MBD3: variants seen among roughly 807,000 people sequenced by gnomAD.
The protein encoded by MBD3 is methyl-CpG-binding domain protein 3.
Under a neutral mutation model 31.2 loss-of-function variants are expected in MBD3, and 13 were observed. That is an observed-to-expected ratio of 0.42 (90% CI 0.27 to 0.66). MBD3 has a LOEUF of 0.66. Among genes scored for constraint, MBD3 ranks in the 30% least tolerant of loss-of-function variants. The pLI is 0.26. For synonymous variants in MBD3, 223 were observed against 187.4 expected, an observed-to-expected ratio of 1.19 and a Z score of -1.55; for missense variants, 440 against 426.5, an observed-to-expected ratio of 1.03 and a Z score of -0.28.
chr19:1,592,423 G>T (rs1328675584), intron 1 of MBD3, 99 bp downstream of exon 1: 84 of 337,018 alleles, frequency 2.5e-4, no homozygotes, highest in Non-Finnish European at 3.7e-4. Flanking sequence ...ACGCACGCGC[G>T]GGGCCCAGGC....
chr19:1,592,460 C>A, intron 1 of MBD3, 62 bp downstream of exon 1: 1 of 890,708 alleles, frequency 1.1e-6, no homozygotes, highest in Non-Finnish European at 1.5e-6. Context: ...GGCGCCGAGG[C>A]CGCCGCAGAG....
At chr19:1,579,580 C>T (rs953969037) in intron 5 of MBD3, among the ~76,000 whole-genome samples, 1 of 152,090 alleles carries the variant, frequency 6.6e-6, no homozygotes, top group African/African-American at 2.4e-5. Flanking sequence ...CTCAGCCGCC[C>T]CCTGCCTCCG....
In MBD3 at chr19:1,585,086, C is replaced by T. The variant is rs1260547532; in HGVS notation, c.239G>A (p.Arg80His). ...LMSKMNKSRQ[R>H]VRYDSSNQVK... is the part of the protein sequence containing the mutation. ...CTGGTTGGAGGAGTCGTAGCGCACG[C>T]GCTGGCGGCTCTTGTTCATCTTGCT... Residue 80 changes from arginine to histidine, a missense_variant, in exon 2 of 7, where the codon CGC becomes CAC. Transcript: ENST00000434436. This position sits in a 1 kb window ranked among gnomAD's most constrained non-coding sequence, Gnocchi z 4.1. 1.2e-6 allele frequency: 2 copies of T among 1,612,560 alleles called. No homozygotes were observed. Among genetic ancestry groups the T allele is most frequent in the South Asian group, 1.1e-5 (1 of 91,080 alleles).
At chr19:1,581,943 AT>A (rs1481249324) in intron 4 of MBD3, among the ~76,000 whole-genome samples, 1 of 151,770 alleles carries the variant, frequency 6.6e-6, no homozygotes, top group Non-Finnish European at 1.5e-5. Flanking sequence ...AATTTTTTGT[AT>A]TTTTAGTAGA....
chr19:1,592,410 A>G (rs2060709030), intron 1 of MBD3, 112 bp downstream of exon 1: 1 of 274,898 alleles, frequency 3.6e-6, no homozygotes. Context: ...GCACGCACGC[A>G]CGACGCACGC....
rs143577308 is a variant in MBD3 at position 1,581,463 on chromosome 19, C to A, written c.500-194G>T. 133 of 647,002 alleles carry A rather than the reference C, an allele frequency of 2.1e-4. No individual in the cohort carries two copies. In the African/African-American group the frequency reaches 2.4e-3, roughly 11 times the overall value. The allele number at this position is 647,002 out of a possible 1,614,324, so 40.1% of individuals were successfully genotyped here. On this transcript the variant is annotated intron_variant, in intron 4 of 6. Coordinates refer to ENST00000434436, the MANE Select transcript of MBD3 (RefSeq NM_001281453.2). ...ATAACAGAAAAAAAAGCAAGTTAGG[C>A]CAGGCGTGGCGACTCCCGCCTGTAA...
intron 3 of MBD3, 81 bp downstream of exon 3, chr19:1,584,459 G>GT: frequency 6.3e-7 from 1 of 1,584,320 alleles, no homozygotes; most frequent in Non-Finnish European, 8.6e-7. Context: ...TCCGCTCCAC[G>GT]TACGACCTCA....
At chr19:1,579,844 G>A (rs1196176024) in intron 5 of MBD3, among the ~76,000 whole-genome samples, 4 of 151,970 alleles carry the variant, frequency 2.6e-5, no homozygotes, top group African/African-American at 9.7e-5. Flanking sequence ...TCTCAACTCC[G>A]CCTCCCAGGC....
Position 1,578,065 on chromosome 19 carries a change from A to C in MBD3, c.*99T>G. On this transcript the variant is annotated 3_prime_UTR_variant, in exon 7 of 7. Coordinates refer to ENST00000434436, the MANE Select transcript of MBD3 (RefSeq NM_001281453.2). The surrounding 1 kb of genome is among the most constrained non-coding windows in gnomAD (Gnocchi z 6.1). ...ACGGCCTTCCTCCTGGGTGTCTCCA[A>C]GGCTGGGCTTCGCCGCCGAGCCTGG... 1.8e-6 allele frequency: 1 copy of C among 568,646 alleles called. No homozygotes were observed. 35.2% of individuals were successfully genotyped at this position (568,646 alleles called of 1,614,324 possible).
Position 1,581,074 on chromosome 19 carries a change from A to T in MBD3, c.677+18T>A. On this transcript the variant is annotated intron_variant, in intron 5 of 6. Transcript: ENST00000434436. ...AAGAGACAGGGTGGAGCAGCAGGGG[A>T]CCAGGCCAAGGGGCTACCTGATGTC... The T allele has an allele frequency of 6.2e-7, 1 of 1,613,980 alleles. No individual in the cohort carries two copies. Among genetic ancestry groups the T allele is most frequent in the Non-Finnish European group, 8.5e-7 (1 of 1,179,956 alleles).
At chr19:1,584,442 C>T (rs955053451) in intron 3 of MBD3, 98 bp downstream of exon 3, 1 of 1,548,096 alleles carries the variant, frequency 6.5e-7, no homozygotes. Context: ...CTCCTGCGCT[C>T]ACTACGTCCG....
chr19:1,580,415 C>T (rs1479949018), intron 5 of MBD3, among the ~76,000 whole-genome samples: 1 of 152,248 alleles, frequency 6.6e-6, no homozygotes, highest in African/African-American at 2.4e-5. Flanking sequence ...TGCCCAGCGC[C>T]TCCCTGGCCG....
At position 1,585,011 on chromosome 19, in the gene MBD3, A is replaced by G; in HGVS notation, c.270+44T>C. The stretch of plus-strand genomic sequence containing the variant: ...TCACGTCATGGCCGCGTCCCCGCCT[A>G]GAACGCCCCGCGCCGACGTCACCTG... On this transcript the variant is annotated intron_variant, in intron 2 of 6. Coordinates refer to ENST00000434436, the MANE Select transcript of MBD3 (RefSeq NM_001281453.2). The surrounding 1 kb of genome is among the most constrained non-coding windows in gnomAD (Gnocchi z 4.1). 1 of 1,603,888 alleles carries G rather than the reference A, an allele frequency of 6.2e-7. No homozygotes were observed. Among genetic ancestry groups the G allele is most frequent in the South Asian group, 1.1e-5 (1 of 90,786 alleles).
chr19:1,589,698 T>G (rs2145610135), intron 1 of MBD3, among the ~76,000 whole-genome samples: 1 of 152,306 alleles, frequency 6.6e-6, no homozygotes, highest in South Asian at 2.1e-4. Context: ...CTGGGCATGG[T>G]GGCACATGCC....
chr19:1,580,047 T>C (rs1264239075), intron 5 of MBD3, among the ~76,000 whole-genome samples: 5 of 152,262 alleles, frequency 3.3e-5, no homozygotes, highest in Non-Finnish European at 7.3e-5. Context: ...CGTCAGCCAC[T>C]GTGCCCGGCC....
chr19:1,584,956 C>A (rs1353893607), intron 2 of MBD3, 99 bp downstream of exon 2: 1 of 1,522,260 alleles, frequency 6.6e-7, no homozygotes, highest in East Asian at 2.4e-5. Flanking sequence ...ACCTCCTGCG[C>A]TCAGGACGCC....
In MBD3 at chr19:1,585,170, T is replaced by C; in HGVS notation, c.155A>G (p.Tyr52Cys). 6.2e-7 allele frequency: 1 copy of C among 1,608,600 alleles called. No individual in the cohort carries two copies. Among genetic ancestry groups the C allele is most frequent in the Non-Finnish European group, 8.5e-7 (1 of 1,179,280 alleles). The change falls in exon 2 of 7, where the codon TAC becomes TGC. Residue 52 changes from tyrosine to cysteine, a missense_variant. Physicochemically the swap from Tyr to Cys is radical, Grantham distance 194 (BLOSUM62 -2). Transcript: ENST00000434436. The surrounding 1 kb of genome is among the most constrained non-coding windows in gnomAD (Gnocchi z 4.1). ...KFRSKPQLAR[Y>C]LGGSMDLSTF... ...GCTCAGGTCCATGGAGCCGCCCAGG[T>C]AGCGCGCCAGCTGCGGCTTGCTGCG...
chr19:1,581,011 C>T (rs1362284381), intron 5 of MBD3, 81 bp downstream of exon 5: 13 of 1,548,104 alleles, frequency 8.4e-6, no homozygotes, highest in East Asian at 2.3e-5. Context: ...ACGGGAAGCA[C>T]GCAGGCACAC....
rs777036466 is a variant in MBD3 at position 1,581,294 on chromosome 19, G to GC, written c.500-26dup. The GC allele has an allele frequency of 1.4e-5, 22 of 1,599,382 alleles. No homozygotes were observed. The East Asian group carries it at 4.7e-4, about 34-fold the overall frequency. The stretch of plus-strand genomic sequence containing the variant: ...CCTGCCAGGCAGTGGACAAACAGCC[G>GC]CAAGTGGAGAGGTCACCACGGGGCA... On this transcript the variant is annotated intron_variant, in intron 4 of 6. Coordinates refer to ENST00000434436, the MANE Select transcript of MBD3 (RefSeq NM_001281453.2).
Sources: allele counts gnomAD v4.1 joint callset (sites outside exome capture counted in the v4.1 genomes callset), GRCh38; gene constraint gnomAD v4.1.1; non-coding constraint Gnocchi (gnomAD v3.1); transcripts MANE v1.5; gene names NCBI Gene and HGNC (gene_info 2026-07-23, HGNC 2026-07-21).